Variants in BCAS4 observed in about 807,000 individuals in gnomAD.
BCAS4 encodes breast carcinoma-amplified sequence 4.
BCAS4 carries 9 observed loss-of-function variants against 15.7 expected under a neutral mutation model. The observed-to-expected ratio is 0.57, with a 90% CI of 0.34 to 1.00. The LOEUF (loss-of-function observed/expected upper bound fraction) is 1.00. BCAS4 is among the 50% of genes least tolerant of loss of function. The pLI is 0.02. For synonymous variants in BCAS4, 101 were observed against 99.5 expected (o/e 1.02, Z -0.09); for missense variants, 225 against 239.1 (o/e 0.94, Z 0.39).
chr20:50,876,591 TGCCCTCG>T lies in BCAS4; in HGVS notation c.509_515del (p.Pro170LeufsTer15). 2 of 1,614,092 alleles carry T rather than the reference TGCCCTCG, an allele frequency of 1.2e-6. No individual in the cohort carries two copies. ...GGAAGCACAGCACCACCCCCGCACC[TGCCCTCG>T]GCCTTTGTGAGCTTTGTGGTCTTCC... On this transcript the variant is annotated frameshift_variant, in exon 5 of 5. Transcript: ENST00000371608. LOFTEE classifies it high-confidence loss of function.
chr20:50,805,684 G>T (rs1345318952), intron 1 of BCAS4, among the ~76,000 whole-genome samples: 2 of 152,126 alleles, frequency 1.3e-5, no homozygotes, highest in Non-Finnish European at 2.9e-5. Flanking sequence ...TCTGTCAAAA[G>T]TCGGAAACTG....
intron 4 of BCAS4, among the ~76,000 whole-genome samples, chr20:50,856,484 C>T (rs1223677165): frequency 6.6e-6 from 1 of 152,206 alleles, no homozygotes; most frequent in East Asian, 1.9e-4. Context: ...GAGTGAGAAG[C>T]TGGAGCAGGG....
intron 4 of BCAS4, among the ~76,000 whole-genome samples, chr20:50,863,190 G>A (rs1474978456): frequency 7.0e-6 from 1 of 143,778 alleles, no homozygotes; most frequent in African/African-American, 2.6e-5. Context: ...CCTTAGAGTA[G>A]TATTTGTGCA....
chr20:50,843,864 C>G (rs1225174907), intron 4 of BCAS4, among the ~76,000 whole-genome samples: 1 of 152,202 alleles, frequency 6.6e-6, no homozygotes, highest in Non-Finnish European at 1.5e-5. Flanking sequence ...ACATTTGGGG[C>G]CGGGCACGGT....
rs75192732 is a variant in BCAS4 at position 50,838,084 on chromosome 20, C to T, written c.265-3682C>T. Among the ~76,000 whole-genome samples the T allele has an allele frequency of 6.0e-3, 911 of 152,288 alleles. 2 individuals are homozygous for T. The highest frequency in any genetic ancestry group is 0.01 in the Admixed American group (153 of 15,294). On this transcript the variant is annotated intron_variant, in intron 3 of 4. Coordinates refer to ENST00000371608, the MANE Select transcript of BCAS4 (RefSeq NM_198799.4). ...CCAGAACCCCAGGGTGGCAGCAGCA[C>T]GAGAGAAGCCTCCATCTTGGGTTCA...
chr20:50,800,210 GA>G (rs2087911076), intron 1 of BCAS4, among the ~76,000 whole-genome samples: 1 of 152,202 alleles, frequency 6.6e-6, no homozygotes, highest in Admixed American at 6.6e-5. Flanking sequence ...GGTCTTCCCT[GA>G]GGCAGCATTG....
rs146956406 is a variant in BCAS4 at position 50,862,810 on chromosome 20, G to A, written c.400-13676G>A. Among the ~76,000 whole-genome samples, 501 of 152,266 alleles carry A rather than the reference G, an allele frequency of 3.3e-3. 1 individual carries two copies. Among genetic ancestry groups the A allele is most frequent in the Non-Finnish European group, 6.1e-3 (417 of 68,018 alleles). On this transcript the variant is annotated intron_variant, in intron 4 of 4. Coordinates refer to ENST00000371608, the MANE Select transcript of BCAS4 (RefSeq NM_198799.4). ...TCTGAGCACCTGCTGGTTCCAGGCT[G>A]CCTCTCGTTTTGCACTCAGGGCTTT...
At chr20:50,862,463 C>T (rs1032852297) in intron 4 of BCAS4, among the ~76,000 whole-genome samples, 1 of 151,872 alleles carries the variant, frequency 6.6e-6, no homozygotes, top group South Asian at 2.1e-4. Flanking sequence ...CTTCATCAGG[C>T]AAGGACAGTG....
chr20:50,848,920 G>A (rs2088578292), intron 4 of BCAS4, among the ~76,000 whole-genome samples: 1 of 152,272 alleles, frequency 6.6e-6, no homozygotes, highest in African/African-American at 2.4e-5. Flanking sequence ...CCTGCTAGAG[G>A]GGGCAGCCAT....
intron 3 of BCAS4, among the ~76,000 whole-genome samples, chr20:50,835,185 G>A (rs889683157): frequency 4.0e-5 from 6 of 151,398 alleles, no homozygotes; most frequent in Non-Finnish European, 8.8e-5. Context: ...GTTTTAGGAC[G>A]TTTCAAACAG....
intron 3 of BCAS4, among the ~76,000 whole-genome samples, chr20:50,835,531 AC>A (rs1182215313): frequency 6.6e-6 from 1 of 152,140 alleles, no homozygotes; most frequent in Non-Finnish European, 1.5e-5. Context: ...GGCGTGAGCC[AC>A]CATGCCTGGC....
intron 1 of BCAS4, among the ~76,000 whole-genome samples, chr20:50,800,807 C>G (rs1388306622): frequency 6.6e-6 from 1 of 152,130 alleles, no homozygotes; most frequent in Non-Finnish European, 1.5e-5. Flanking sequence ...GGTGATCCAC[C>G]TGCCTCGGCC....
At chr20:50,832,792 G>A (rs2088360270) in intron 3 of BCAS4, 1 of 152,298 alleles carries the variant, frequency 6.6e-6, no homozygotes, top group South Asian at 2.1e-4. Flanking sequence ...CTGTCTCTCT[G>A]TTGCTGGCCC....
chr20:50,833,440 G>A (rs554499250), intron 3 of BCAS4, among the ~76,000 whole-genome samples: 1 of 152,280 alleles, frequency 6.6e-6, no homozygotes, highest in African/African-American at 2.4e-5. Context: ...TTTGTTGTGG[G>A]GCTGTTCTGG....
At chr20:50,870,191 A>G (rs953584159) in intron 4 of BCAS4, among the ~76,000 whole-genome samples, 2 of 152,196 alleles carry the variant, frequency 1.3e-5, no homozygotes, top group Admixed American at 1.3e-4. Flanking sequence ...AATATTTACT[A>G]TCTAGCTCTT....
chr20:50,857,591 G>A (rs1182750346), intron 4 of BCAS4, among the ~76,000 whole-genome samples: 1 of 152,192 alleles, frequency 6.6e-6, no homozygotes, highest in Middle Eastern at 3.2e-3. Context: ...GCCATCTGAG[G>A]GATTTGGAAA....
At chr20:50,870,694 T>G (rs923261058) in intron 4 of BCAS4, among the ~76,000 whole-genome samples, 2 of 152,236 alleles carry the variant, frequency 1.3e-5, no homozygotes, top group Non-Finnish European at 2.9e-5. Context: ...GGAAATCTGA[T>G]TTTTACATGT....
intron 4 of BCAS4, among the ~76,000 whole-genome samples, chr20:50,850,742 G>T (rs1279849008): frequency 2.0e-5 from 3 of 152,184 alleles, no homozygotes; most frequent in Non-Finnish European, 2.9e-5. Flanking sequence ...CCAGCATCTG[G>T]CCTACCGTGC....
In BCAS4 at chr20:50,809,768, T is replaced by C. The variant is rs2123759989; in HGVS notation, c.91-8443T>C. On this transcript the variant is annotated intron_variant, in intron 1 of 4. Transcript: ENST00000371608. Reference sequence around the variant, plus strand: ...GATATGTTTCCATTTGTTTGTGTCGTCAGTGGTTTGTTTCATCAGTGTTTT... The same window carrying C: ...GATATGTTTCCATTTGTTTGTGTCGCCAGTGGTTTGTTTCATCAGTGTTTT... 2.0e-5 allele frequency among the ~76,000 whole-genome samples: 3 copies of C among 152,342 alleles called. No homozygotes were observed. The Middle Eastern group carries it at 0.01, about 518-fold the overall frequency.
Sources: allele counts gnomAD v4.1 joint callset (sites outside exome capture counted in the v4.1 genomes callset), GRCh38; gene constraint gnomAD v4.1.1; transcripts MANE v1.5; gene names NCBI Gene and HGNC (gene_info 2026-07-23, HGNC 2026-07-21).